The following SH3PXD2A variants were observed in gnomAD, a reference collection of about 807,000 sequenced individuals.
The protein encoded by SH3PXD2A is SH3 and PX domain-containing protein 2A.
SH3PXD2A carries 32 observed loss-of-function variants against 115.2 expected under a neutral mutation model. The ratio of observed to expected loss-of-function variants is 0.28; its 90% CI spans 0.21 to 0.37. The LOEUF (loss-of-function observed/expected upper bound fraction) is 0.37. Among genes scored for constraint, SH3PXD2A ranks in the 10% least tolerant of loss-of-function variants. SH3PXD2A has a pLI of 1.00. For synonymous variants in SH3PXD2A, 610 were observed against 629.1 expected (o/e 0.97, Z 0.45); for missense variants, 1,328 against 1,498.7 (o/e 0.89, Z 1.88).
At chr10:103,630,560 A>G (rs932509809) in intron 8 of SH3PXD2A, among the ~76,000 whole-genome samples, 62 of 152,218 alleles carry the variant, frequency 4.1e-4, no homozygotes, top group Middle Eastern at 3.4e-3. Flanking sequence ...AAAACTCAGG[A>G]ATTGCAGGGG....
At chr10:103,809,689 CCCTT>C (rs1249215280) in intron 1 of SH3PXD2A, among the ~76,000 whole-genome samples, 5 of 100,470 alleles carry the variant, frequency 5.0e-5, no homozygotes, top group African/African-American at 2.0e-4. Flanking sequence ...CTCCCTCCCT[CCCTT>C]CCTTCTTTTG....
At chr10:103,761,076 T>A (rs1205395008) in intron 3 of SH3PXD2A, among the ~76,000 whole-genome samples, 1 of 152,186 alleles carries the variant, frequency 6.6e-6, no homozygotes, top group Non-Finnish European at 1.5e-5. Context: ...GGGACTATTA[T>A]CAAACCACTG....
In SH3PXD2A at chr10:103,756,668, G is replaced by T. The variant is rs1412081197; in HGVS notation, c.229+10426C>A. Among the ~76,000 whole-genome samples the T allele has an allele frequency of 6.6e-6, 1 of 152,138 alleles. No homozygotes were observed. The highest frequency in any genetic ancestry group is 1.9e-4 in the East Asian group (1 of 5,180). On this transcript the variant is annotated intron_variant, in intron 3 of 14. Transcript: ENST00000369774. The surrounding 1 kb of genome is among the most constrained non-coding windows in gnomAD (Gnocchi z 4.4). ...AGGCAGGAGTGGGGAGTGGTGGTGA[G>T]GTGAAACACTCCTTCTGCCATCTTG... is the stretch of plus-strand genomic sequence containing the variant.
intron 1 of SH3PXD2A, among the ~76,000 whole-genome samples, chr10:103,849,812 A>C (rs939611232): frequency 6.6e-6 from 1 of 152,076 alleles, no homozygotes. Context: ...CTCATTTCCC[A>C]CACACACCCC....
intron 1 of SH3PXD2A, among the ~76,000 whole-genome samples, chr10:103,852,437 A>G: frequency 6.6e-6 from 1 of 152,182 alleles, no homozygotes; most frequent in East Asian, 1.9e-4. Context: ...CTCATCGGCT[A>G]GCTCTGGCTA....
intron 1 of SH3PXD2A, among the ~76,000 whole-genome samples, chr10:103,807,049 C>G (rs2134271826): frequency 6.6e-6 from 1 of 152,312 alleles, no homozygotes; most frequent in South Asian, 2.1e-4. Context: ...AATCGCCTTC[C>G]CAGTGGGTGC....
In SH3PXD2A at chr10:103,784,535, T is replaced by A. The variant is rs1163350021; in HGVS notation, c.153+16747A>T. Among the ~76,000 whole-genome samples, 1 of 152,234 alleles carries A rather than the reference T, an allele frequency of 6.6e-6. No homozygotes were observed. Among genetic ancestry groups the A allele is most frequent in the African/African-American group, 2.4e-5 (1 of 41,462 alleles). On this transcript the variant is annotated intron_variant, in intron 2 of 14. Transcript: ENST00000369774. The surrounding 1 kb of genome is among the most constrained non-coding windows in gnomAD (Gnocchi z 4.4). ...TCACGTGTTAAATCTGGGCAGTCGGTCCTCTCATGCCTGTGATATCATTTT... is the reference window on the plus strand; with the variant it reads ...TCACGTGTTAAATCTGGGCAGTCGGACCTCTCATGCCTGTGATATCATTTT...
rs563209944 is a variant in SH3PXD2A at position 103,623,276 on chromosome 10, C to A, written c.719-723G>T. Among the ~76,000 whole-genome samples the A allele has an allele frequency of 2.3e-3, 326 of 141,388 alleles. 1 individual carries two copies. Among genetic ancestry groups the A allele is most frequent in the African/African-American group, 9.4e-3 (298 of 31,692 alleles). 92.8% of individuals were successfully genotyped at this position (141,388 alleles called of 152,430 possible). A position where few individuals can be genotyped will look rare whatever the true frequency, so the allele number is the denominator to read the frequency against. ...GGACATCTGATGACAGGGGCCCCCTCCCCAGCTTCTCACTGCTCCTGACCC... is the reference window on the plus strand; with the variant it reads ...GGACATCTGATGACAGGGGCCCCCTACCCAGCTTCTCACTGCTCCTGACCC... On this transcript the variant is annotated intron_variant, in intron 9 of 14. Coordinates refer to ENST00000369774, the MANE Select transcript of SH3PXD2A (RefSeq NM_001394015.1).
chr10:103,701,170 AT>A (rs1564867757), intron 5 of SH3PXD2A, among the ~76,000 whole-genome samples: 1 of 143,484 alleles, frequency 7.0e-6, no homozygotes, highest in Non-Finnish European at 1.5e-5. Flanking sequence ...CCATCCATCC[AT>A]CCATCCACCA....
intron 2 of SH3PXD2A, among the ~76,000 whole-genome samples, chr10:103,792,581 A>G (rs926147023): frequency 6.6e-6 from 1 of 152,154 alleles, no homozygotes; most frequent in Non-Finnish European, 1.5e-5. Context: ...ATTACTATAC[A>G]CCCATTATAC....
rs373407577 is a variant in SH3PXD2A at position 103,671,849 on chromosome 10, C to T, written c.428-3197G>A. 6.6e-5 allele frequency among the ~76,000 whole-genome samples: 10 copies of T among 152,352 alleles called. No homozygotes were observed. In the East Asian group the frequency reaches 7.7e-4, roughly 12 times the overall value. On this transcript the variant is annotated intron_variant, in intron 6 of 14. Coordinates refer to ENST00000369774, the MANE Select transcript of SH3PXD2A (RefSeq NM_001394015.1). Reference sequence around the variant, plus strand: ...GCTTCCTGCCTTCCTCCTGTCCCTGCCTTCATCTCCTCTGGTGATCCAGAA... The same window carrying T: ...GCTTCCTGCCTTCCTCCTGTCCCTGTCTTCATCTCCTCTGGTGATCCAGAA...
intron 2 of SH3PXD2A, among the ~76,000 whole-genome samples, chr10:103,775,487 G>A (rs1340719364): frequency 1.3e-5 from 2 of 152,328 alleles, no homozygotes; most frequent in Non-Finnish European, 1.5e-5. Context: ...GGATGTCTCA[G>A]AAGAGACATC....
Position 103,627,232 on chromosome 10 carries a change from G to A in SH3PXD2A, c.605-30C>T, listed in dbSNP as rs1314197244. ...AGGGAGGACAAGAGAGAACAGGACT[G>A]TGAGATTCTGCAGGGTGGCAGGGGT... On this transcript the variant is annotated intron_variant, in intron 8 of 14. Transcript: ENST00000369774. This position sits in a 1 kb window ranked among gnomAD's most constrained non-coding sequence, Gnocchi z 4.4. 7.3e-6 allele frequency: 10 copies of A among 1,370,066 alleles called. No individual in the cohort carries two copies. Among genetic ancestry groups the A allele is most frequent in the Non-Finnish European group, 1.0e-5 (10 of 959,802 alleles). The allele number at this position is 1,370,066 out of a possible 1,614,324, so 84.9% of individuals were successfully genotyped here. A position where few individuals can be genotyped will look rare whatever the true frequency, so the allele number is the denominator to read the frequency against.
chr10:103,841,921 A>G (rs975608973), intron 1 of SH3PXD2A, among the ~76,000 whole-genome samples: 2 of 152,110 alleles, frequency 1.3e-5, no homozygotes, highest in Admixed American at 6.5e-5. Flanking sequence ...TCAGGAGATC[A>G]AGACCATCCT....
intron 5 of SH3PXD2A, among the ~76,000 whole-genome samples, chr10:103,707,821 T>C (rs1386730534): frequency 6.6e-6 from 1 of 152,110 alleles, no homozygotes; most frequent in Non-Finnish European, 1.5e-5. Context: ...CTCCTAACCA[T>C]CGTGAGCTTT....
chr10:103,768,932 G>A (rs1199272287), intron 2 of SH3PXD2A, among the ~76,000 whole-genome samples: 4 of 152,090 alleles, frequency 2.6e-5, no homozygotes, highest in East Asian at 1.9e-4. Flanking sequence ...AGGAAGCAGA[G>A]GGCAAGGGGG....
chr10:103,609,489 T>C (rs2036392488), intron 13 of SH3PXD2A: 1 of 152,232 alleles, frequency 6.6e-6, no homozygotes, highest in Non-Finnish European at 1.5e-5. Flanking sequence ...TTTCAGAAAC[T>C]GGCACAGCAG....
intron 3 of SH3PXD2A, among the ~76,000 whole-genome samples, chr10:103,742,527 G>GATAT (rs1491178485): frequency 6.6e-6 from 1 of 152,202 alleles, no homozygotes; most frequent in African/African-American, 2.4e-5. Flanking sequence ...TTAGGACTTG[G>GATAT]ATATATCTTT....
At chr10:103,678,532 G>C (rs1175719498) in intron 6 of SH3PXD2A, among the ~76,000 whole-genome samples, 3 of 152,244 alleles carry the variant, frequency 2.0e-5, no homozygotes, top group Non-Finnish European at 4.4e-5. Context: ...AGGAGGCCTG[G>C]TGCTCAGTGC....
Sources: allele counts gnomAD v4.1 joint callset (sites outside exome capture counted in the v4.1 genomes callset), GRCh38; gene constraint gnomAD v4.1.1; non-coding constraint Gnocchi (gnomAD v3.1); transcripts MANE v1.5; gene names NCBI Gene and HGNC (gene_info 2026-07-23, HGNC 2026-07-21).